The following SIPA1L3 variants were observed in gnomAD, a reference collection of about 807,000 sequenced individuals.
SIPA1L3 encodes the protein signal-induced proliferation-associated 1-like protein 3.
In SIPA1L3, 59 loss-of-function variants were observed where a neutral mutation model predicts 150.1. That is an observed-to-expected ratio of 0.39 (90% CI 0.32 to 0.49). The LOEUF (loss-of-function observed/expected upper bound fraction) is 0.49. SIPA1L3 is among the 20% of genes least tolerant of loss of function. SIPA1L3 has a pLI of 0.86. For synonymous variants in SIPA1L3, 1,070 were observed against 1,077.6 expected (o/e 0.99, Z 0.14); for missense variants, 2,211 against 2,489.5 (o/e 0.89, Z 2.38).
intron 15 of SIPA1L3, among the ~76,000 whole-genome samples, chr19:38,169,499 A>T (rs1972281056): frequency 6.6e-6 from 1 of 152,122 alleles, no homozygotes; most frequent in African/African-American, 2.4e-5. Context: ...CAAGTAACTG[A>T]ACCTCTCTGG....
intron 1 of SIPA1L3, among the ~76,000 whole-genome samples, chr19:37,986,115 C>T (rs1388857225): frequency 6.6e-6 from 1 of 152,212 alleles, no homozygotes; most frequent in African/African-American, 2.4e-5. Context: ...CATCTCTTTT[C>T]TTTGTGTCAA....
At chr19:37,983,731 C>G (rs377526779) in intron 1 of SIPA1L3, among the ~76,000 whole-genome samples, 1 of 151,778 alleles carries the variant, frequency 6.6e-6, no homozygotes, top group East Asian at 1.9e-4. Context: ...CATGGTGAAA[C>G]CCCGTCTGTA....
At chr19:37,993,882 G>C (rs528089484) in intron 1 of SIPA1L3, among the ~76,000 whole-genome samples, 1 of 152,144 alleles carries the variant, frequency 6.6e-6, no homozygotes. Context: ...TAGCAGGAAA[G>C]TAATTTCATT....
At chr19:38,129,518 G>T (rs1971258995) in intron 9 of SIPA1L3, among the ~76,000 whole-genome samples, 2 of 151,982 alleles carry the variant, frequency 1.3e-5, no homozygotes, top group African/African-American at 4.8e-5. Context: ...CCTGCTACTG[G>T]GGAGGCTGAG....
intron 2 of SIPA1L3, among the ~76,000 whole-genome samples, chr19:38,065,834 CTATTTATTTATT>C (rs74176412): frequency 7.1e-6 from 1 of 141,054 alleles, no homozygotes; most frequent in Non-Finnish European, 1.5e-5. Flanking sequence ...CTCTACCTTG[CTATTTATTTATT>C]TATTTATTTA....
intron 1 of SIPA1L3, among the ~76,000 whole-genome samples, chr19:37,975,956 T>C (rs1022235858): frequency 3.3e-5 from 5 of 151,802 alleles, no homozygotes; most frequent in Non-Finnish European, 5.9e-5. Flanking sequence ...AATAGAAAAA[T>C]TAGTCATGCG....
intron 1 of SIPA1L3, among the ~76,000 whole-genome samples, chr19:38,017,520 CT>C (rs764574386): frequency 0.056 from 7,819 of 138,694 alleles, 169 homozygotes; most frequent in Admixed American, 0.081. Context: ...CAGCTATCTC[CT>C]TTTTTTTTTT....
intron 12 of SIPA1L3, among the ~76,000 whole-genome samples, chr19:38,145,088 C>T (rs1971675436): frequency 6.6e-6 from 1 of 152,250 alleles, no homozygotes; most frequent in Middle Eastern, 3.4e-3. Flanking sequence ...AGTGACTCAC[C>T]AGTAACAAAG....
chr19:38,112,273 T>C lies in SIPA1L3; in HGVS notation c.2291+1889T>C, dbSNP rs1970781499. Among the ~76,000 whole-genome samples the C allele has an allele frequency of 2.0e-5, 3 of 149,822 alleles. 1 individual carries two copies. The South Asian group carries it at 6.4e-4, about 32-fold the overall frequency. ...ACAGGCACACACAAGCACATGCACA[T>C]ATGCACACACATATGCACACATACA... On this transcript the variant is annotated intron_variant, in intron 8 of 21. Transcript: ENST00000222345.
At chr19:38,016,473 C>T (rs1351577315) in intron 1 of SIPA1L3, among the ~76,000 whole-genome samples, 2 of 152,080 alleles carry the variant, frequency 1.3e-5, no homozygotes, top group Admixed American at 6.6e-5. Flanking sequence ...GAAACATACA[C>T]ACATATAGGT....
chr19:38,119,967 G>A (rs1408717779), intron 9 of SIPA1L3, 85 bp downstream of exon 9: 2 of 934,890 alleles, frequency 2.1e-6, no homozygotes, highest in East Asian at 5.2e-5. Flanking sequence ...AGCCCAGTCA[G>A]TTAGGCTAAG....
chr19:38,180,642 C>T (rs1375288580), intron 15 of SIPA1L3, among the ~76,000 whole-genome samples: 1 of 150,048 alleles, frequency 6.7e-6, no homozygotes, highest in African/African-American at 2.5e-5. Flanking sequence ...CTCCCGGGTT[C>T]AAGCGATTCT....
chr19:38,042,015 C>T (rs1258316027), intron 2 of SIPA1L3, among the ~76,000 whole-genome samples: 3 of 152,214 alleles, frequency 2.0e-5, no homozygotes, highest in South Asian at 4.2e-4. Flanking sequence ...TTTGTTATGT[C>T]GATTGTTTCC....
chr19:38,130,537 C>T lies in SIPA1L3; in HGVS notation c.2908C>T (p.Arg970Trp), dbSNP rs144310265. The change falls in exon 10 of 22, where the codon CGG (arginine) becomes TGG (tryptophan). Residue 970 changes from arginine (R) to tryptophan (W), a missense_variant. This residue lies in a region of SIPA1L3 where 625 missense variants were observed against 804.2 expected (regional missense o/e 0.78). Coordinates refer to ENST00000222345, the MANE Select transcript of SIPA1L3 (RefSeq NM_015073.3). ...CTGGGAGACGGTGGACATGACGCTTCGGCGGAACGGGCTCGGGCAGCTGGG... is the reference window on the plus strand; with the variant it reads ...CTGGGAGACGGTGGACATGACGCTTTGGCGGAACGGGCTCGGGCAGCTGGG... ...SGWETVDMTLRRNGLGQLGFH... is the reference protein window; with the variant it reads ...SGWETVDMTLWRNGLGQLGFH... 6.2e-6 allele frequency: 10 copies of T among 1,613,334 alleles called. No individual in the cohort carries two copies. Among genetic ancestry groups the T allele is most frequent in the African/African-American group, 2.7e-5 (2 of 75,058 alleles).
intron 1 of SIPA1L3, chr19:37,963,863 A>G (rs1015438038): frequency 4.6e-5 from 7 of 152,182 alleles, no homozygotes; most frequent in African/African-American, 1.7e-4. Context: ...CAAATTTCCA[A>G]ACTTTAAATA....
At chr19:37,989,665 C>CTTT (rs74174502) in intron 1 of SIPA1L3, among the ~76,000 whole-genome samples, 7 of 127,590 alleles carry the variant, frequency 5.5e-5, no homozygotes, top group Non-Finnish European at 6.5e-5. Flanking sequence ...AGGATGAATT[C>CTTT]TTTTTTTTTT....
In SIPA1L3 at chr19:38,106,637, G is replaced by A; in HGVS notation, c.2130G>A (p.Gln710=). The A allele has an allele frequency of 1.9e-6, 3 of 1,608,482 alleles. No homozygotes were observed. Among genetic ancestry groups the A allele is most frequent in the South Asian group, 1.1e-5 (1 of 90,948 alleles). ...TLLPYTPNNR[Q]QLLRKRHIGN... is the part of the protein sequence containing the mutation. ...TCCCTTACACCCCCAACAACAGGCA[G>A]CAGGTCAGTGATTTTCAGCAGAGGC... The change falls in exon 7 of 22, where the codon CAG becomes CAA. Residue 710 remains glutamine (Q), a synonymous_variant. Transcript: ENST00000222345.
rs1373098810 is a variant in SIPA1L3 at position 38,088,728 on chromosome 19, C to G, written c.1542C>G (p.Ala514=). ...CCTGCTCTTCCTTCTTAGAACATGC[C>G]AATTACTTCGGCGTGGATGAGAAGC... ...YQDYFVGKEH[A]NYFGVDEKLG... is the part of the protein sequence containing the mutation. Residue 514 remains alanine, a synonymous_variant, in exon 4 of 22, where the codon GCC becomes GCG. Coordinates refer to ENST00000222345, the MANE Select transcript of SIPA1L3 (RefSeq NM_015073.3). The G allele has an allele frequency of 6.2e-7, 1 of 1,613,778 alleles. No individual in the cohort carries two copies. Among genetic ancestry groups the G allele is most frequent in the Admixed American group, 1.7e-5 (1 of 59,990 alleles).
chr19:38,088,437 T>A (rs942381878), intron 3 of SIPA1L3, among the ~76,000 whole-genome samples: 1 of 152,258 alleles, frequency 6.6e-6, no homozygotes, highest in African/African-American at 2.4e-5. Context: ...TGCCTTCACA[T>A]CCACTCTCTG....
Sources: gnomAD v4.1 joint callset for allele counts (sites outside exome capture counted in the v4.1 genomes callset) on GRCh38, gnomAD v4.1.1 for gene constraint, gnomAD v4.1.1 regional missense constraint, MANE v1.5 for transcripts, NCBI Gene and HGNC (gene_info 2026-07-23, HGNC 2026-07-21) for gene names.